Variants in SLC4A5 observed in about 807,000 individuals in gnomAD.
SLC4A5 encodes solute carrier family 4 member 5, also known as electrogenic sodium bicarbonate cotransporter 4.
A neutral mutation model predicts 120.4 loss-of-function variants in SLC4A5; 96 were observed. The ratio of observed to expected loss-of-function variants is 0.80; its 90% CI spans 0.68 to 0.94. SLC4A5 has a LOEUF of 0.94. SLC4A5 is among the 40% of genes least tolerant of loss of function. SLC4A5 has a pLI of 0.00. For missense variants in SLC4A5, 1,259 were observed against 1,459.5 expected (o/e 0.86, Z 2.24); for synonymous variants, 550 against 571.1 (o/e 0.96, Z 0.53).
intron 4 of SLC4A5, among the ~76,000 whole-genome samples, chr2:74,330,126 C>A (rs568552173): frequency 7.7e-4 from 65 of 84,302 alleles, no homozygotes; most frequent in Non-Finnish European, 1.5e-3. Flanking sequence ...AGATGGTGGT[C>A]GTGAGGTGTA....
intron 5 of SLC4A5, among the ~76,000 whole-genome samples, chr2:74,321,733 C>A (rs1384911102): frequency 6.6e-6 from 1 of 151,436 alleles, no homozygotes; most frequent in Non-Finnish European, 1.5e-5. Flanking sequence ...CTTCTGCTTG[C>A]CTATTTACAA....
intron 10 of SLC4A5, among the ~76,000 whole-genome samples, chr2:74,263,749 C>T (rs1480036143): frequency 6.6e-6 from 1 of 152,190 alleles, no homozygotes; most frequent in Non-Finnish European, 1.5e-5. Context: ...CATAGCAAGC[C>T]ATCTCTACCA....
At chr2:74,288,882 A>G (rs1672070839) in intron 7 of SLC4A5, among the ~76,000 whole-genome samples, 1 of 152,206 alleles carries the variant, frequency 6.6e-6, no homozygotes, top group African/African-American at 2.4e-5. Flanking sequence ...TAGCACCTCT[A>G]GCCACCTACC....
chr2:74,294,687 T>C (rs1672276308), intron 7 of SLC4A5, among the ~76,000 whole-genome samples: 1 of 151,908 alleles, frequency 6.6e-6, no homozygotes, highest in Non-Finnish European at 1.5e-5. Context: ...TGGATTTTTT[T>C]TTTTTTTTTG....
At position 74,296,616 on chromosome 2, in the gene SLC4A5, C is replaced by CAAAA. The variant is rs1160532512; in HGVS notation, c.271+7869_271+7872dup. On this transcript the variant is annotated intron_variant, in intron 7 of 30. Coordinates refer to ENST00000394019, the Ensembl canonical transcript of SLC4A5. ...GTGAAACCCGTCTCTACTAAAAATA[C>CAAAA]AAAAAAAAAAAAAAAAAAAAAAATT... Among the ~76,000 whole-genome samples the CAAAA allele has an allele frequency of 1.5e-3, 73 of 47,464 alleles. 1 individual carries two copies. Among genetic ancestry groups the CAAAA allele is most frequent in the African/African-American group, 5.1e-3 (68 of 13,424 alleles). 31.1% of individuals were successfully genotyped at this position (47,464 alleles called of 152,430 possible).
chr2:74,304,796 G>A lies in SLC4A5; in HGVS notation c.80-116C>T, dbSNP rs1217235397. 7.0e-6 allele frequency: 7 copies of A among 999,980 alleles called. No homozygotes were observed. In the South Asian group the frequency reaches 1.0e-4, roughly 15 times the overall value. 61.9% of individuals were successfully genotyped at this position (999,980 alleles called of 1,614,324 possible). A position where few individuals can be genotyped will look rare whatever the true frequency, so the allele number is the denominator to read the frequency against. On this transcript the variant is annotated intron_variant, in intron 6 of 30. Transcript: ENST00000394019. ...GCAGAAGCAAAATGGAAGACATGGA[G>A]TGCCAGGATGGGGTCATTGCCCTGA...
Position 74,335,985 on chromosome 2 carries a change from T to C in SLC4A5, c.-220-1808A>G, listed in dbSNP as rs13404377. On this transcript the variant is annotated intron_variant, in intron 3 of 30. Coordinates refer to ENST00000394019, the Ensembl canonical transcript of SLC4A5. ...AGCTTAGAATGTACTGAGTTTTTAC[T>C]ATGTGCTAGGCTCAGGGCTGACAGC... Among the ~76,000 whole-genome samples, 868 of 152,342 alleles carry C rather than the reference T, an allele frequency of 5.7e-3. 7 individuals are homozygous for C. Among genetic ancestry groups the C allele is most frequent in the South Asian group, 9.1e-3 (44 of 4,822 alleles).
At chr2:74,287,401 G>A (rs906200096) in intron 7 of SLC4A5, among the ~76,000 whole-genome samples, 10 of 152,026 alleles carry the variant, frequency 6.6e-5, no homozygotes, top group Admixed American at 2.6e-4. Flanking sequence ...TGTGAGTCTC[G>A]GGGCTGCCAC....
At chr2:74,288,169 C>A (rs941043801) in intron 7 of SLC4A5, among the ~76,000 whole-genome samples, 2 of 152,146 alleles carry the variant, frequency 1.3e-5, no homozygotes, top group African/African-American at 4.8e-5. Flanking sequence ...AGATCTCTGA[C>A]TTTTCTTGAA....
intron 27 of SLC4A5, among the ~76,000 whole-genome samples, chr2:74,225,417 G>A (rs1254798960): frequency 6.6e-6 from 1 of 152,128 alleles, no homozygotes; most frequent in Non-Finnish European, 1.5e-5. Flanking sequence ...CCAACATGGT[G>A]AAACCCTGTC....
chr2:74,224,905 C>T (rs1167217435), exon 28 of SLC4A5: 1 of 1,613,188 alleles, frequency 6.2e-7, no homozygotes, highest in Non-Finnish European at 8.5e-7. Flanking sequence ...TCCTTTTTTT[C>T]CTTCTCTGGG....
At chr2:74,263,142 C>A (rs1231640597) in intron 10 of SLC4A5, among the ~76,000 whole-genome samples, 1 of 152,302 alleles carries the variant, frequency 6.6e-6, no homozygotes, top group African/African-American at 2.4e-5. Flanking sequence ...TGGGTTCAAG[C>A]GATCCTCCCA....
intron 17 of SLC4A5, among the ~76,000 whole-genome samples, chr2:74,249,873 T>C (rs1444233474): frequency 1.3e-5 from 2 of 152,112 alleles, no homozygotes; most frequent in African/African-American, 2.4e-5. Context: ...GCCTAGGAGA[T>C]TGGCAGGTGT....
At chr2:74,221,148 G>A (rs1004562967) in intron 30 of SLC4A5, among the ~76,000 whole-genome samples, 6 of 152,122 alleles carry the variant, frequency 3.9e-5, no homozygotes, top group Non-Finnish European at 5.9e-5. Context: ...GGGCCACAAC[G>A]TTTACTTTCA....
chr2:74,296,616 C>CAA (rs1160532512), intron 7 of SLC4A5, among the ~76,000 whole-genome samples: 2,170 of 47,402 alleles, frequency 0.046, 94 homozygotes, highest in African/African-American at 0.13. Flanking sequence ...ACTAAAAATA[C>CAA]AAAAAAAAAA....
At chr2:74,278,858 C>T (rs935806140) in intron 8 of SLC4A5, among the ~76,000 whole-genome samples, 2 of 152,200 alleles carry the variant, frequency 1.3e-5, no homozygotes, top group African/African-American at 4.8e-5. Context: ...TGCAATAAAA[C>T]AAGAGAGCGA....
chr2:74,289,196 T>A (rs948837910), intron 7 of SLC4A5, among the ~76,000 whole-genome samples: 1 of 152,238 alleles, frequency 6.6e-6, no homozygotes, highest in African/African-American at 2.4e-5. Flanking sequence ...TGGTTCTCTT[T>A]GAATAGCACC....
chr2:74,306,695 C>T lies in SLC4A5; in HGVS notation c.80-2015G>A, dbSNP rs59553720. On this transcript the variant is annotated intron_variant, in intron 6 of 30. Transcript: ENST00000394019. ...CTCTGAACTTTTTATTGGCCTCCTG[C>T]TCCCCAAAGGGTACCCTGCTTCTGC... 8.0e-3 allele frequency: 8,364 copies of T among 1,046,400 alleles called. 511 individuals are homozygous for T. The African/African-American group carries it at 0.13, about 16-fold the overall frequency. 64.8% of individuals were successfully genotyped at this position (1,046,400 alleles called of 1,614,324 possible).
chr2:74,341,133 C>T (rs1673615011), intron 2 of SLC4A5, among the ~76,000 whole-genome samples: 1 of 151,930 alleles, frequency 6.6e-6, no homozygotes, highest in Non-Finnish European at 1.5e-5. Flanking sequence ...GGTGAAACCC[C>T]ATCTCTACTA....
Sources: gnomAD v4.1 joint callset for allele counts (sites outside exome capture counted in the v4.1 genomes callset) on GRCh38, gnomAD v4.1.1 for gene constraint, MANE v1.5 for transcripts, NCBI Gene and HGNC (gene_info 2026-07-23, HGNC 2026-07-21) for gene names.